The following NCK1 variants were observed in gnomAD, a reference collection of about 807,000 sequenced individuals.
NCK1 encodes the protein NCK adaptor protein 1, also known as SH2/SH3 adapter protein NCK1.
A neutral mutation model predicts 36.6 loss-of-function variants in NCK1; 19 were observed. The observed-to-expected ratio is 0.52, with a 90% CI of 0.36 to 0.76. NCK1 has a LOEUF of 0.76. Ranked by LOEUF, NCK1 falls within the 30% of genes least tolerant of loss-of-function variation. The pLI is 0.00. For synonymous variants in NCK1, 165 were observed against 156.0 expected, an observed-to-expected ratio of 1.06 and a Z score of -0.43; for missense variants, 358 against 445.6, an observed-to-expected ratio of 0.80 and a Z score of 1.77.
chr3:136,927,973 T>C lies in NCK1; in HGVS notation c.-18-11T>C, dbSNP rs528491635. 2.6e-6 allele frequency: 4 copies of C among 1,534,364 alleles called. No homozygotes were observed. The East Asian group carries it at 6.7e-5, about 26-fold the overall frequency. The stretch of plus-strand genomic sequence containing the variant: ...CAACCTTACATAAAAATATTTTCCA[T>C]GTGTTTACAGTGCTGAAGCTGCTGA... On this transcript the variant is annotated splice_polypyrimidine_tract_variant and intron_variant, in intron 1 of 3. Coordinates refer to ENST00000481752, the MANE Select transcript of NCK1 (RefSeq NM_001291999.2).
chr3:136,896,384 C>T (rs9846334), intron 1 of NCK1, among the ~76,000 whole-genome samples: 103,663 of 152,050 alleles, frequency 0.68, 35,629 homozygotes, highest in East Asian at 0.87. Flanking sequence ...TTAGAACATA[C>T]TATATTTGTC....
intron 1 of NCK1, among the ~76,000 whole-genome samples, chr3:136,913,404 G>T (rs900887078): frequency 1.3e-5 from 2 of 151,936 alleles, no homozygotes; most frequent in Non-Finnish European, 2.9e-5. Context: ...GAGGAGCTGG[G>T]ACTGCAAGTG....
At chr3:136,884,471 C>G (rs921436544) in intron 1 of NCK1, among the ~76,000 whole-genome samples, 1 of 152,114 alleles carries the variant, frequency 6.6e-6, no homozygotes, top group Non-Finnish European at 1.5e-5. Context: ...AAACACGGTC[C>G]TGCTCTGTGG....
intron 1 of NCK1, among the ~76,000 whole-genome samples, chr3:136,917,143 G>A (rs1386152590): frequency 6.6e-6 from 1 of 151,892 alleles, no homozygotes; most frequent in Non-Finnish European, 1.5e-5. Context: ...TCTGTGTCAA[G>A]CTTGTCCATC....
intron 1 of NCK1, among the ~76,000 whole-genome samples, chr3:136,912,110 T>G (rs1316331991): frequency 1.3e-5 from 2 of 152,080 alleles, no homozygotes; most frequent in African/African-American, 4.8e-5. Flanking sequence ...TTATTGAATA[T>G]GTATATTTAT....
At chr3:136,897,109 CA>C (rs1219138054) in intron 1 of NCK1, among the ~76,000 whole-genome samples, 1 of 151,826 alleles carries the variant, frequency 6.6e-6, no homozygotes, top group Non-Finnish European at 1.5e-5. Context: ...TATTTTGAGA[CA>C]GAATCTCACT....
intron 1 of NCK1, among the ~76,000 whole-genome samples, chr3:136,904,813 T>C (rs1238804690): frequency 6.7e-6 from 1 of 149,992 alleles, no homozygotes; most frequent in African/African-American, 2.4e-5. Flanking sequence ...TGGTGTTCCA[T>C]ATGTCACACA....
At chr3:136,900,216 G>T (rs568684483) in intron 1 of NCK1, 34 of 216,792 alleles carry the variant, frequency 1.6e-4, no homozygotes, top group East Asian at 2.7e-4. Context: ...AGCCTTTTTT[G>T]TTGTTGTTGT....
At chr3:136,890,057 C>T (rs9841985) in intron 1 of NCK1, among the ~76,000 whole-genome samples, 1 of 151,896 alleles carries the variant, frequency 6.6e-6, no homozygotes, top group African/African-American at 2.4e-5. Context: ...AGAGGGTGGT[C>T]CTTGTTGGGG....
At chr3:136,921,532 T>G (rs909630908) in intron 1 of NCK1, among the ~76,000 whole-genome samples, 3 of 152,226 alleles carry the variant, frequency 2.0e-5, no homozygotes, top group Non-Finnish European at 4.4e-5. Flanking sequence ...TTGTGATGCT[T>G]CTTTGGATAT....
chr3:136,880,152 G>GT (rs1938889237), intron 1 of NCK1, among the ~76,000 whole-genome samples: 1 of 151,972 alleles, frequency 6.6e-6, no homozygotes, highest in African/African-American at 2.4e-5. Context: ...GGGTGTGGTG[G>GT]TGGGCGCCTG....
At chr3:136,893,312 A>G (rs1325430960) in intron 1 of NCK1, among the ~76,000 whole-genome samples, 2 of 148,846 alleles carry the variant, frequency 1.3e-5, no homozygotes, top group Non-Finnish European at 3.0e-5. Flanking sequence ...CCACGTCAAC[A>G]TCTATTTTTT....
intron 1 of NCK1, among the ~76,000 whole-genome samples, chr3:136,924,794 T>G (rs1347074426): frequency 6.6e-6 from 1 of 152,190 alleles, no homozygotes; most frequent in Non-Finnish European, 1.5e-5. Context: ...ATTGGAACGC[T>G]AAGCTTGTGA....
chr3:136,877,951 A>G (rs1277894574), intron 1 of NCK1, among the ~76,000 whole-genome samples: 1 of 152,178 alleles, frequency 6.6e-6, no homozygotes, highest in Non-Finnish European at 1.5e-5. Context: ...GTTACATGTA[A>G]TGTATATCCA....
At chr3:136,869,644 A>G (rs1266237600) in intron 1 of NCK1, among the ~76,000 whole-genome samples, 1 of 152,184 alleles carries the variant, frequency 6.6e-6, no homozygotes, top group Non-Finnish European at 1.5e-5. Flanking sequence ...CTTAACTCTA[A>G]AGTTTCTGTA....
At chr3:136,893,536 A>G (rs1162672767) in intron 1 of NCK1, among the ~76,000 whole-genome samples, 2 of 152,082 alleles carry the variant, frequency 1.3e-5, no homozygotes, top group African/African-American at 4.8e-5. Context: ...GATTCTGGAT[A>G]TTAGTCCTTT....
chr3:136,928,035 G>T lies in NCK1; in HGVS notation c.34G>T (p.Asp12Tyr). ...AEEVVVVAKF[D>Y]YVAQQEQELD... ...AGAAGTGGTGGTAGTAGCCAAATTT[G>T]ATTATGTGGCCCAACAAGAACAAGA... is the stretch of plus-strand genomic sequence containing the variant. The change falls in exon 2 of 4, where the codon GAT becomes TAT. Residue 12 changes from aspartate (D) to tyrosine (Y), a missense_variant. Asp to Tyr is a radical substitution (Grantham distance 160, BLOSUM62 -3). This residue lies in a region of NCK1 where 143 missense variants were observed against 162.4 expected (regional missense o/e 0.88). Coordinates refer to ENST00000481752, the MANE Select transcript of NCK1 (RefSeq NM_001291999.2). 6.2e-7 allele frequency: 1 copy of T among 1,614,126 alleles called. No individual in the cohort carries two copies. Among genetic ancestry groups the T allele is most frequent in the Non-Finnish European group, 8.5e-7 (1 of 1,180,004 alleles).
chr3:136,918,452 G>A (rs142002680), intron 1 of NCK1, among the ~76,000 whole-genome samples: 20 of 152,212 alleles, frequency 1.3e-4, no homozygotes, highest in African/African-American at 3.4e-4. Flanking sequence ...ATGACTTAAC[G>A]TATACAGGAG....
At chr3:136,919,618 C>T (rs984812099) in intron 1 of NCK1, among the ~76,000 whole-genome samples, 9 of 152,118 alleles carry the variant, frequency 5.9e-5, no homozygotes, top group Admixed American at 2.0e-4. Flanking sequence ...GACAAAACAC[C>T]TGAAAACATG....
Sources: gnomAD v4.1 joint callset for allele counts (sites outside exome capture counted in the v4.1 genomes callset) on GRCh38, gnomAD v4.1.1 for gene constraint, gnomAD v4.1.1 regional missense constraint, MANE v1.5 for transcripts, NCBI Gene and HGNC (gene_info 2026-07-23, HGNC 2026-07-21) for gene names.